The following ANO1 variants were observed in gnomAD, a reference collection of about 807,000 sequenced individuals.
The protein encoded by ANO1 is anoctamin 1, also known as anoctamin-1.
In ANO1, 59 loss-of-function variants were observed where a neutral mutation model predicts 124.0. That is an observed-to-expected ratio of 0.48 (90% CI 0.39 to 0.59). The LOEUF is 0.59. Among genes scored for constraint, ANO1 ranks in the 20% least tolerant of loss-of-function variants. ANO1 has a pLI of 0.00. For synonymous variants in ANO1, 529 were observed against 532.0 expected, an observed-to-expected ratio of 0.99 and a Z score of 0.08; for missense variants, 1,059 against 1,328.0, an observed-to-expected ratio of 0.80 and a Z score of 3.15.
At chr11:70,019,897 C>T (rs563388642) in intron 1 of ANO1, among the ~76,000 whole-genome samples, 23 of 152,376 alleles carry the variant, frequency 1.5e-4, no homozygotes, top group African/African-American at 5.0e-4. Flanking sequence ...CTGGCTTCAC[C>T]GGCCCAGCCA....
At chr11:70,126,035 G>C (rs1359108188) in intron 9 of ANO1, 26 bp from the exon 10 acceptor site, 1 of 1,587,248 alleles carries the variant, frequency 6.3e-7, no homozygotes, top group South Asian at 1.2e-5. Flanking sequence ...CAGTGGGCTT[G>C]ACTCTGCTCT....
chr11:70,124,326 A>G, intron 8 of ANO1, 24 bp from the exon 9 acceptor site: 1 of 1,613,214 alleles, frequency 6.2e-7, no homozygotes, highest in Non-Finnish European at 8.5e-7. Flanking sequence ...ATTGTCACCA[A>G]CCCCACTGCT....
At chr11:70,077,193 C>T (rs2515279), upstream of ANO1, among the ~76,000 whole-genome samples, 32,759 of 152,122 alleles carry the variant, frequency 0.22, 3,816 homozygotes, top group South Asian at 0.35. Context: ...AATTATTGAG[C>T]ATCGGCTGTG....
chr11:70,177,884 C>T (rs1448925392), intron 22 of ANO1, among the ~76,000 whole-genome samples: 1 of 152,210 alleles, frequency 6.6e-6, no homozygotes, highest in African/African-American at 2.4e-5. Flanking sequence ...CAGGCGTGAG[C>T]CAATGCGCCC....
At chr11:70,074,786 G>A (rs1319738026), upstream of ANO1, 1 of 152,214 alleles carries the variant, frequency 6.6e-6, no homozygotes. Context: ...GGTCACCAGG[G>A]TGCCTGCAAA....
At chr11:69,972,812 G>A in the ANO1 span, among the ~76,000 whole-genome samples, 1 of 152,116 alleles carries the variant, frequency 6.6e-6, no homozygotes, top group Non-Finnish European at 1.5e-5. Flanking sequence ...AGATCTACCT[G>A]CCGGCCTCCA....
At chr11:69,976,546 AAAAAAAAAG>A in the ANO1 span, among the ~76,000 whole-genome samples, 8 of 93,910 alleles carry the variant, frequency 8.5e-5, 1 homozygote, top group African/African-American at 2.9e-4. Flanking sequence ...AAAAAAAAAA[AAAAAAAAAG>A]AGAGAGAGAG....
the ANO1 span, among the ~76,000 whole-genome samples, chr11:69,977,801 G>A: frequency 6.6e-6 from 1 of 152,268 alleles, no homozygotes; most frequent in Non-Finnish European, 1.5e-5. Context: ...GGCAGAGGCT[G>A]TGGCTGCTCT....
At chr11:70,049,280 G>A (rs61886432) in intron 1 of ANO1, among the ~76,000 whole-genome samples, 16,922 of 152,154 alleles carry the variant, frequency 0.11, 1,203 homozygotes, top group African/African-American at 0.2. Context: ...ATGGCCAGCC[G>A]CTCTGGCTTT....
the ANO1 span, among the ~76,000 whole-genome samples, chr11:69,968,633 C>T: frequency 6.6e-6 from 1 of 152,176 alleles, no homozygotes; most frequent in East Asian, 1.9e-4. Flanking sequence ...GATGGCCCTG[C>T]TGAGATGCAG....
upstream of ANO1, among the ~76,000 whole-genome samples, chr11:69,985,316 G>A (rs1208708812): frequency 7.2e-6 from 1 of 139,562 alleles, no homozygotes; most frequent in African/African-American, 2.6e-5. Context: ...TGCACAGGCT[G>A]TGGCTTGCGG....
At chr11:69,994,264 G>T (rs782706933) in intron 1 of ANO1, among the ~76,000 whole-genome samples, 2 of 152,150 alleles carry the variant, frequency 1.3e-5, no homozygotes, top group African/African-American at 2.4e-5. Context: ...ATATGATAAA[G>T]AAGTGATTTT....
chr11:70,169,479 G>A (rs1285212513), intron 21 of ANO1, among the ~76,000 whole-genome samples: 2 of 84,220 alleles, frequency 2.4e-5, no homozygotes, highest in African/African-American at 9.3e-5. Context: ...CCAGGCCCCA[G>A]CCCTGGCAGC....
At chr11:70,187,620 G>T in intron 25 of ANO1, 118 bp from the exon 26 acceptor site, 1 of 1,287,816 alleles carries the variant, frequency 7.8e-7, no homozygotes. Context: ...GCCCAGGGAG[G>T]TCAATGGGCC....
chr11:70,156,578 T>C (rs1424495758), intron 15 of ANO1, among the ~76,000 whole-genome samples: 1 of 152,200 alleles, frequency 6.6e-6, no homozygotes, highest in Non-Finnish European at 1.5e-5. Context: ...TTCCATCTTC[T>C]AGACCTAGAA....
intron 1 of ANO1, among the ~76,000 whole-genome samples, chr11:70,005,728 T>C (rs1047214014): frequency 6.6e-6 from 1 of 152,156 alleles, no homozygotes; most frequent in Non-Finnish European, 1.5e-5. Flanking sequence ...AATGGAAAAA[T>C]TCCTGGGACT....
At chr11:70,030,842 A>G (rs1856987723) in intron 1 of ANO1, among the ~76,000 whole-genome samples, 1 of 152,244 alleles carries the variant, frequency 6.6e-6, no homozygotes, top group Non-Finnish European at 1.5e-5. Flanking sequence ...CACCAGCTGG[A>G]AGGATCCCAC....
At position 70,173,019 on chromosome 11, in the gene ANO1, C is replaced by T. The variant is rs143241145; in HGVS notation, c.2350+1980C>T. 3.3e-5 allele frequency among the ~76,000 whole-genome samples: 5 copies of T among 152,258 alleles called. No individual in the cohort carries two copies. The East Asian group carries it at 9.6e-4, about 29-fold the overall frequency. The stretch of plus-strand genomic sequence containing the variant: ...TGTTAGCGGTTCTGGCTGGAAGCTC[C>T]TTGATCCACACCTTGGCCCCTAGTG... On this transcript the variant is annotated intron_variant, in intron 22 of 25. Coordinates refer to ENST00000355303, the MANE Select transcript of ANO1 (RefSeq NM_018043.7).
At chr11:70,054,542 G>A (rs1857404370) in intron 1 of ANO1, among the ~76,000 whole-genome samples, 1 of 152,210 alleles carries the variant, frequency 6.6e-6, no homozygotes, top group South Asian at 2.1e-4. Context: ...GTTGTAGGAA[G>A]GTATATTTGT....
Sources: allele counts gnomAD v4.1 joint callset (sites outside exome capture counted in the v4.1 genomes callset), GRCh38; gene constraint gnomAD v4.1.1; transcripts MANE v1.5; gene names NCBI Gene and HGNC (gene_info 2026-07-23, HGNC 2026-07-21).